The following DLG2 variants were observed in gnomAD, a reference collection of about 807,000 sequenced individuals.
DLG2 encodes discs large MAGUK scaffold protein 2.
Under a neutral mutation model 132.5 loss-of-function variants are expected in DLG2, and 45 were observed. That is an observed-to-expected ratio of 0.34 (90% CI 0.27 to 0.44). The LOEUF is 0.44. DLG2 is among the 20% of genes least tolerant of loss of function. DLG2 has a pLI of 1.00. For synonymous variants in DLG2, 424 were observed against 419.6 expected (o/e 1.01, Z -0.13); for missense variants, 1,045 against 1,196.9 (o/e 0.87, Z 1.87).
At chr11:84,841,720 T>C (rs544824475) in intron 6 of DLG2, among the ~76,000 whole-genome samples, 1 of 152,112 alleles carries the variant, frequency 6.6e-6, no homozygotes, top group South Asian at 2.1e-4. Flanking sequence ...ATGTGCACAT[T>C]ATGTTACAGT....
At chr11:85,025,166 A>G (rs2060410685) in intron 6 of DLG2, among the ~76,000 whole-genome samples, 2 of 152,212 alleles carry the variant, frequency 1.3e-5, no homozygotes, top group African/African-American at 4.8e-5. Context: ...TCGCAAGAAC[A>G]CAGATACATA....
intron 6 of DLG2, among the ~76,000 whole-genome samples, chr11:84,817,793 G>A (rs2077231701): frequency 1.3e-5 from 2 of 151,936 alleles, no homozygotes; most frequent in Non-Finnish European, 2.9e-5. Context: ...CTGCTTAGAT[G>A]GGAGGAATTT....
chr11:85,057,671 T>C (rs2063599477), intron 6 of DLG2, among the ~76,000 whole-genome samples: 1 of 151,570 alleles, frequency 6.6e-6, no homozygotes, highest in Admixed American at 6.6e-5. Context: ...AGCGTATTTT[T>C]GATTTTAAAA....
intron 7 of DLG2, among the ~76,000 whole-genome samples, chr11:84,532,465 G>C (rs1395429170): frequency 6.6e-6 from 1 of 152,114 alleles, no homozygotes; most frequent in Non-Finnish European, 1.5e-5. Flanking sequence ...AGGTTGGGAA[G>C]GGAGAAAGGT....
chr11:85,605,344 A>T (rs1267026303), intron 2 of DLG2, among the ~76,000 whole-genome samples: 1 of 152,124 alleles, frequency 6.6e-6, no homozygotes, highest in Non-Finnish European at 1.5e-5. Flanking sequence ...ATTTTTATGG[A>T]AAAAATAAAA....
At chr11:84,307,332 C>T (rs1290983793) in intron 7 of DLG2, among the ~76,000 whole-genome samples, 3 of 152,104 alleles carry the variant, frequency 2.0e-5, no homozygotes, top group Non-Finnish European at 4.4e-5. Context: ...ACAATAGACA[C>T]CAGGACTTAC....
At chr11:84,593,016 G>C (rs1245314046) in intron 6 of DLG2, among the ~76,000 whole-genome samples, 1 of 150,106 alleles carries the variant, frequency 6.7e-6, no homozygotes, top group Non-Finnish European at 1.5e-5. Flanking sequence ...CTCCTCGGGA[G>C]GGTGAGGCAG....
At chr11:85,085,802 G>C (rs1183153414) in intron 6 of DLG2, among the ~76,000 whole-genome samples, 1 of 152,136 alleles carries the variant, frequency 6.6e-6, no homozygotes, top group Non-Finnish European at 1.5e-5. Flanking sequence ...TCCAAAGTCA[G>C]TGTCCTTAAA....
chr11:83,937,375 C>T (rs1044355431), intron 14 of DLG2, among the ~76,000 whole-genome samples: 6 of 151,642 alleles, frequency 4.0e-5, no homozygotes, highest in African/African-American at 1.5e-4. Context: ...GGCTTGGTGG[C>T]GGGTGCCTGT....
At chr11:83,525,089 C>A (rs1045764039) in intron 21 of DLG2, among the ~76,000 whole-genome samples, 1 of 152,142 alleles carries the variant, frequency 6.6e-6, no homozygotes, top group Admixed American at 6.5e-5. Flanking sequence ...ATAGCAGTTT[C>A]GTCATCAGCA....
At chr11:83,965,253 T>G in intron 13 of DLG2, 71 bp downstream of exon 13, 2 of 1,485,524 alleles carry the variant, frequency 1.3e-6, no homozygotes, top group Non-Finnish European at 1.8e-6. Flanking sequence ...GTAGAACACT[T>G]TGTCAACAGT....
chr11:83,970,253 A>C (rs1157353122), intron 12 of DLG2, among the ~76,000 whole-genome samples: 1 of 152,190 alleles, frequency 6.6e-6, no homozygotes, highest in Non-Finnish European at 1.5e-5. Context: ...GCCATTTTTA[A>C]GGTGGGCAGT....
chr11:85,070,819 T>C (rs897874488), intron 6 of DLG2, among the ~76,000 whole-genome samples: 2 of 151,850 alleles, frequency 1.3e-5, no homozygotes, highest in Admixed American at 1.3e-4. Context: ...TAAAATCTCA[T>C]AGCATTTTCA....
At chr11:84,693,446 AAG>A (rs2058270082) in intron 6 of DLG2, among the ~76,000 whole-genome samples, 1 of 151,770 alleles carries the variant, frequency 6.6e-6, no homozygotes, top group Non-Finnish European at 1.5e-5. Flanking sequence ...ACCAAGGCCT[AAG>A]AGAGAATTCT....
chr11:84,793,227 C>T (rs190419573), intron 6 of DLG2, among the ~76,000 whole-genome samples: 24 of 152,144 alleles, frequency 1.6e-4, no homozygotes, highest in South Asian at 2.1e-4. Context: ...TTTCAAAATT[C>T]GTCCTTTGAT....
At chr11:84,730,783 C>T (rs1480711819) in intron 6 of DLG2, among the ~76,000 whole-genome samples, 3 of 152,008 alleles carry the variant, frequency 2.0e-5, no homozygotes, top group Non-Finnish European at 4.4e-5. Context: ...AGGAACACCA[C>T]TCTATTATGT....
chr11:84,572,338 T>G (rs997710558), intron 6 of DLG2, among the ~76,000 whole-genome samples: 1 of 152,142 alleles, frequency 6.6e-6, no homozygotes, highest in Non-Finnish European at 1.5e-5. Flanking sequence ...CTTTGGCCAA[T>G]GGAATGCAGC....
chr11:84,715,686 C>A (rs1596374206), intron 6 of DLG2, among the ~76,000 whole-genome samples: 2 of 152,006 alleles, frequency 1.3e-5, no homozygotes, highest in African/African-American at 4.8e-5. Context: ...CATGTTATTG[C>A]AAATGTAAGG....
At chr11:84,638,817 A>C (rs1307384088) in intron 6 of DLG2, among the ~76,000 whole-genome samples, 1 of 152,154 alleles carries the variant, frequency 6.6e-6, no homozygotes, top group Non-Finnish European at 1.5e-5. Flanking sequence ...GTGTTCAGCA[A>C]ATTAGAGTGT....
Sources: allele counts gnomAD v4.1 joint callset (sites outside exome capture counted in the v4.1 genomes callset), GRCh38; gene constraint gnomAD v4.1.1; transcripts MANE v1.5; gene names NCBI Gene and HGNC (gene_info 2026-07-23, HGNC 2026-07-21).